ZBTB7B: variants seen among roughly 807,000 people sequenced by gnomAD.
The protein encoded by ZBTB7B is zinc finger and BTB domain containing 7B.
In ZBTB7B, 8 loss-of-function variants were observed where a neutral mutation model predicts 31.0. The observed-to-expected ratio is 0.26, with a 90% CI of 0.15 to 0.47. The LOEUF (loss-of-function observed/expected upper bound fraction) is 0.47. ZBTB7B is among the 20% of genes least tolerant of loss of function. The pLI is 0.99. For synonymous variants in ZBTB7B, 261 were observed against 307.3 expected (o/e 0.85, Z 1.58); for missense variants, 494 against 742.4 (o/e 0.67, Z 3.89).
chr1:155,015,826 G>C lies in ZBTB7B; in HGVS notation c.1154+12G>C, dbSNP rs778689964. The C allele has an allele frequency of 3.1e-5, 50 of 1,604,286 alleles. 1 individual carries two copies. Among genetic ancestry groups the C allele is most frequent in the Non-Finnish European group, 4.0e-5 (47 of 1,174,154 alleles). On this transcript the variant is annotated intron_variant, in intron 2 of 2. Transcript: ENST00000535420. Reference sequence around the variant, plus strand: ...GTTCGATTCACCAGGTGAGCAGCAAGGGGGGAAGGGCCCGGCAGGGGCCAT... The same window carrying C: ...GTTCGATTCACCAGGTGAGCAGCAACGGGGGAAGGGCCCGGCAGGGGCCAT...
chr1:155,008,707 G>C (rs1658725556), intron 1 of ZBTB7B, among the ~76,000 whole-genome samples: 1 of 152,148 alleles, frequency 6.6e-6, no homozygotes, highest in Non-Finnish European at 1.5e-5. Flanking sequence ...GGTTCTGCTG[G>C]GGCTTCAGGC....
intron 1 of ZBTB7B, chr1:155,014,113 T>C (rs191190676): frequency 2.0e-6 from 2 of 985,326 alleles, no homozygotes; most frequent in African/African-American, 3.5e-5. Context: ...AACTCTCTCA[T>C]TGGCCTCTCC....
chr1:155,009,051 C>G (rs1658759001), intron 1 of ZBTB7B, among the ~76,000 whole-genome samples: 1 of 152,206 alleles, frequency 6.6e-6, no homozygotes, highest in African/African-American at 2.4e-5. Flanking sequence ...CTAGAATTAG[C>G]CAAGGGTCAG....
At chr1:155,007,926 G>A (rs1658663138) in intron 1 of ZBTB7B, among the ~76,000 whole-genome samples, 1 of 152,126 alleles carries the variant, frequency 6.6e-6, no homozygotes, top group South Asian at 2.1e-4. Flanking sequence ...CCTAGTGTCT[G>A]GGGGTCACTA....
Position 155,016,967 on chromosome 1 carries a change from GA to G in ZBTB7B, c.*283del, listed in dbSNP as rs1397465018. On this transcript the variant is annotated 3_prime_UTR_variant, in exon 3 of 3. Transcript: ENST00000535420. This position sits in a 1 kb window ranked among gnomAD's most constrained non-coding sequence, Gnocchi z 4.3. ...GTCCCTGTCCCCAGCTGCTCCTGGG[GA>G]GTAGAAGCAATAATGTATTTCTAAT... is the stretch of plus-strand genomic sequence containing the variant. The G allele has an allele frequency of 1.1e-5, 4 of 361,950 alleles. No homozygotes were observed. Among genetic ancestry groups the G allele is most frequent in the Middle Eastern group, 7.2e-4 (1 of 1,380 alleles). 22.4% of individuals were successfully genotyped at this position (361,950 alleles called of 1,614,324 possible). A position where few individuals can be genotyped will look rare whatever the true frequency, so the allele number is the denominator to read the frequency against.
At chr1:155,007,108 G>T (rs1445134379) in intron 1 of ZBTB7B, among the ~76,000 whole-genome samples, 1 of 152,254 alleles carries the variant, frequency 6.6e-6, no homozygotes, top group South Asian at 2.1e-4. Context: ...GGGTTGGAAT[G>T]TGGGTACCCT....
rs779826712 is a variant in ZBTB7B at position 155,015,401 on chromosome 1, C to T, written c.741C>T (p.Gly247=). 2.5e-6 allele frequency: 4 copies of T among 1,569,738 alleles called. No individual in the cohort carries two copies. The East Asian group carries it at 6.8e-5, about 27-fold the overall frequency. The part of the protein sequence containing the change: ...EVAGRVGSSG[G]SGPGDSYSPP... ...CGGGCAGAGTGGGCAGCAGTGGGGG[C>T]AGTGGGCCGGGGGACAGCTACAGCC... Residue 247 remains glycine (G), a synonymous_variant, in exon 2 of 3, where the codon GGC becomes GGT. Coordinates refer to ENST00000535420, the MANE Select transcript of ZBTB7B (RefSeq NM_001256455.2).
In ZBTB7B at chr1:155,003,871, G is replaced by A. The variant is rs1558083359; in HGVS notation, c.-7+928G>A. Among the ~76,000 whole-genome samples, 2 of 152,160 alleles carry A rather than the reference G, an allele frequency of 1.3e-5. No homozygotes were observed. Among genetic ancestry groups the A allele is most frequent in the African/African-American group, 2.4e-5 (1 of 41,446 alleles). The stretch of plus-strand genomic sequence containing the variant: ...ACCCCATCCCAAGTAAGAGAGCGAC[G>A]TGTCCCGGCCAGAGCGAGGTGGGGG... On this transcript the variant is annotated intron_variant, in intron 1 of 2. Transcript: ENST00000535420. This position sits in a 1 kb window ranked among gnomAD's most constrained non-coding sequence, Gnocchi z 5.8.
At position 155,017,362 on chromosome 1, in the gene ZBTB7B, G is replaced by GGGCAGTAGAGGGGGCAGTAGAGGGGTACT. The variant is rs2102322989; in HGVS notation, c.*678_*679insGCAGTAGAGGGGGCAGTAGAGGGGTACTG. The stretch of plus-strand genomic sequence containing the variant: ...CGCCTGCCCCTGGGGGCAGTAGAGG[G>GGGCAGTAGAGGGGGCAGTAGAGGGGTACT]GCCCCGCCCAGCTAGGGGAGCCGCT... On this transcript the variant is annotated 3_prime_UTR_variant, in exon 3 of 3. Coordinates refer to ENST00000535420, the MANE Select transcript of ZBTB7B (RefSeq NM_001256455.2). The GGGCAGTAGAGGGGGCAGTAGAGGGGTACT allele has an allele frequency of 6.6e-6, 1 of 152,588 alleles. No homozygotes were observed. The highest frequency in any genetic ancestry group is 2.1e-4 in the South Asian group (1 of 4,848). 9.5% of individuals were successfully genotyped at this position (152,588 alleles called of 1,614,324 possible).
chr1:155,013,456 A>G (rs1479639034), intron 1 of ZBTB7B, among the ~76,000 whole-genome samples: 1 of 152,218 alleles, frequency 6.6e-6, no homozygotes, highest in African/African-American at 2.4e-5. Flanking sequence ...ACAGAGAGAA[A>G]TGACTTTCCC....
At chr1:155,013,615 T>C (rs3753639) in intron 1 of ZBTB7B, among the ~76,000 whole-genome samples, 30,937 of 151,880 alleles carry the variant, frequency 0.2, 3,311 homozygotes, top group Non-Finnish European at 0.24. Context: ...TGGCTGGGCC[T>C]TGGAGGGTAA....
chr1:155,010,722 C>A (rs1658899638), intron 1 of ZBTB7B, among the ~76,000 whole-genome samples: 1 of 152,046 alleles, frequency 6.6e-6, no homozygotes, highest in South Asian at 2.1e-4. Context: ...TTTCCCCACC[C>A]CCCTGGTCCA....
Position 155,018,429 on chromosome 1 carries a change from A to C in ZBTB7B, c.*1744A>C. Reference sequence around the variant, plus strand: ...CTTTCCCAGTCAGTGCCTTAGGGGGAGAGGCACTCCCCCCCTCCTATTCCC... The same window carrying C: ...CTTTCCCAGTCAGTGCCTTAGGGGGCGAGGCACTCCCCCCCTCCTATTCCC... On this transcript the variant is annotated 3_prime_UTR_variant, in exon 3 of 3. Coordinates refer to ENST00000535420, the MANE Select transcript of ZBTB7B (RefSeq NM_001256455.2). 9.7e-7 allele frequency: 1 copy of C among 1,030,472 alleles called. No homozygotes were observed. The highest frequency in any genetic ancestry group is 1.4e-6 in the Non-Finnish European group (1 of 712,660). 63.8% of individuals were successfully genotyped at this position (1,030,472 alleles called of 1,614,324 possible). A position where few individuals can be genotyped will look rare whatever the true frequency, so the allele number is the denominator to read the frequency against.
rs748196050 is a variant in ZBTB7B at position 155,015,815 on chromosome 1, G to A, written c.1154+1G>A. The A allele has an allele frequency of 6.2e-7, 1 of 1,607,216 alleles. No individual in the cohort carries two copies. Among genetic ancestry groups the A allele is most frequent in the African/African-American group, 1.3e-5 (1 of 74,898 alleles). ...AGGTCTGCGGTGTTCGATTCACCAG[G>A]TGAGCAGCAAGGGGGGAAGGGCCCG... On this transcript the variant is annotated splice_donor_variant, in intron 2 of 2. Transcript: ENST00000535420. LOFTEE classifies it high-confidence loss of function.
chr1:155,015,396 G>T lies in ZBTB7B; in HGVS notation c.736G>T (p.Gly246Trp). 1 of 1,570,006 alleles carries T rather than the reference G, an allele frequency of 6.4e-7. No individual in the cohort carries two copies. Among genetic ancestry groups the T allele is most frequent in the Non-Finnish European group, 8.7e-7 (1 of 1,155,654 alleles). The stretch of plus-strand genomic sequence containing the variant: ...GGTGGCGGGCAGAGTGGGCAGCAGT[G>T]GGGGCAGTGGGCCGGGGGACAGCTA... The part of the protein sequence containing the change: ...EEVAGRVGSS[G>W]GSGPGDSYSP... Residue 246 changes from glycine (G) to tryptophan (W), a missense_variant, in exon 2 of 3, where the codon GGG becomes TGG. Transcript: ENST00000535420.
At position 155,004,270 on chromosome 1, in the gene ZBTB7B, G is replaced by A. The variant is rs1368167047; in HGVS notation, c.-7+1327G>A. Among the ~76,000 whole-genome samples the A allele has an allele frequency of 6.6e-6, 1 of 152,190 alleles. No homozygotes were observed. The highest frequency in any genetic ancestry group is 1.5e-5 in the Non-Finnish European group (1 of 68,034). On this transcript the variant is annotated intron_variant, in intron 1 of 2. Transcript: ENST00000535420. This position sits in a 1 kb window ranked among gnomAD's most constrained non-coding sequence, Gnocchi z 4.0. Reference sequence around the variant, plus strand: ...AATTGACCCCCGCCCGAATGCCTTGGAGACCCCTAGCTGCAGCCGAGAATG... The same window carrying A: ...AATTGACCCCCGCCCGAATGCCTTGAAGACCCCTAGCTGCAGCCGAGAATG...
Position 155,015,315 on chromosome 1 carries a change from C to CTAG in ZBTB7B, c.657_659dup (p.Val220dup), listed in dbSNP as rs747191654. On this transcript the variant is annotated inframe_insertion, in exon 2 of 3. Coordinates refer to ENST00000535420, the MANE Select transcript of ZBTB7B (RefSeq NM_001256455.2). ...AACCAAGGGGGCCAGAGCAAACCAC[C>CTAG]TAGTCCCTGAGGTGCCCACAGTGCC... The CTAG allele has an allele frequency of 6.2e-7, 1 of 1,608,558 alleles. No homozygotes were observed. Among genetic ancestry groups the CTAG allele is most frequent in the South Asian group, 1.1e-5 (1 of 90,570 alleles).
chr1:155,005,602 G>A (rs1658512972), intron 1 of ZBTB7B, among the ~76,000 whole-genome samples: 1 of 152,348 alleles, frequency 6.6e-6, no homozygotes, highest in Admixed American at 6.5e-5. Context: ...GGGGCTTCCT[G>A]CCTCTGCCCC....
chr1:155,007,549 G>T (rs1054415250), intron 1 of ZBTB7B, among the ~76,000 whole-genome samples: 2 of 152,210 alleles, frequency 1.3e-5, no homozygotes, highest in African/African-American at 4.8e-5. Flanking sequence ...GCTGTCCATT[G>T]CCTCCTAGGC....
Sources: gnomAD v4.1 joint callset for allele counts (sites outside exome capture counted in the v4.1 genomes callset) on GRCh38, gnomAD v4.1.1 for gene constraint, Gnocchi (gnomAD v3.1) non-coding constraint, MANE v1.5 for transcripts, NCBI Gene and HGNC (gene_info 2026-07-23, HGNC 2026-07-21) for gene names.